XPO4: variants seen among roughly 807,000 people sequenced by gnomAD.
XPO4 encodes the protein exportin-4.
XPO4 carries 39 observed loss-of-function variants against 143.0 expected under a neutral mutation model. The observed-to-expected ratio is 0.27, with a 90% CI of 0.21 to 0.36. XPO4 has a LOEUF of 0.36. XPO4 is among the 10% of genes least tolerant of loss of function. The pLI, the probability that XPO4 is intolerant of heterozygous loss-of-function variation, is 1.00. For synonymous variants in XPO4, 439 were observed against 474.0 expected, an observed-to-expected ratio of 0.93 and a Z score of 0.96; for missense variants, 907 against 1,348.0, an observed-to-expected ratio of 0.67 and a Z score of 5.12.
chr13:20,829,057 T>C (rs1772321325), intron 6 of XPO4, among the ~76,000 whole-genome samples: 1 of 152,228 alleles, frequency 6.6e-6, no homozygotes, highest in South Asian at 2.1e-4. Flanking sequence ...GGCTATAGTA[T>C]ATGAAATAAA....
At chr13:20,858,909 T>C (rs941725256) in intron 3 of XPO4, among the ~76,000 whole-genome samples, 1 of 21,424 alleles carries the variant, frequency 4.7e-5, no homozygotes, top group African/African-American at 1.5e-4. Flanking sequence ...AATATATATA[T>C]ATATGTGTGT....
Position 20,902,697 on chromosome 13 carries a change from C to G in XPO4, c.42G>C (p.Gln14His). Reference protein sequence around the residue: ...AALGPPEVIAQLENAAKVLMA... With the variant: ...AALGPPEVIAHLENAAKVLMA... ...TCAGAACTTTAGCCGCGTTCTCCAG[C>G]TGAGCGATCACTTCTGGGGGCCCCA... The change falls in exon 1 of 23, where the codon CAG (glutamine) becomes CAC (histidine). Residue 14 changes from glutamine to histidine, a missense_variant. By Grantham distance (24) the Gln-to-His change is conservative (BLOSUM62 0). Transcript: ENST00000255305. 1 of 1,585,500 alleles carries G rather than the reference C, an allele frequency of 6.3e-7. No individual in the cohort carries two copies.
At chr13:20,833,613 G>A (rs1317034596) in intron 6 of XPO4, among the ~76,000 whole-genome samples, 1 of 151,882 alleles carries the variant, frequency 6.6e-6, no homozygotes, top group East Asian at 1.9e-4. Context: ...CCAAGGATGT[G>A]GAACCCACAA....
At chr13:20,868,349 TG>T in intron 2 of XPO4, 1 of 377,990 alleles carries the variant, frequency 2.6e-6, no homozygotes, top group Non-Finnish European at 4.3e-6. Flanking sequence ...CTTCATGTTA[TG>T]GTCAATAATA....
rs1370810623 is a variant in XPO4 at position 20,861,777 on chromosome 13, C to CTCT, written c.317+939_317+940insAGA. On this transcript the variant is annotated intron_variant, in intron 3 of 22. Coordinates refer to ENST00000255305, the MANE Select transcript of XPO4 (RefSeq NM_022459.5). Reference sequence around the variant, plus strand: ...TTAATAGAACCTTGCACATTTCTCTCTTTTTTTTTTTTTTTTTTTTTTTTT... The same window carrying CTCT: ...TTAATAGAACCTTGCACATTTCTCTCTCTTTTTTTTTTTTTTTTTTTTTTTTTT... Among the ~76,000 whole-genome samples, 44 of 73,444 alleles carry CTCT rather than the reference C, an allele frequency of 6.0e-4. 2 individuals are homozygous for CTCT. The highest frequency in any genetic ancestry group is 2.0e-3 in the African/African-American group (41 of 20,808). The allele number at this position is 73,444 out of a possible 152,430, so 48.2% of individuals were successfully genotyped here.
intron 2 of XPO4, among the ~76,000 whole-genome samples, chr13:20,867,741 A>G (rs1260873700): frequency 1.3e-5 from 2 of 152,112 alleles, no homozygotes; most frequent in African/African-American, 4.8e-5. Context: ...AGCCTTACTA[A>G]AAGCACAAGA....
intron 3 of XPO4, chr13:20,859,646 A>G (rs2060178185): frequency 6.6e-6 from 1 of 150,452 alleles, no homozygotes; most frequent in Non-Finnish European, 1.4e-5. Context: ...GTGTGGTGGC[A>G]CGCACCTCTA....
intron 4 of XPO4, among the ~76,000 whole-genome samples, chr13:20,844,150 G>A (rs1249887015): frequency 2.0e-5 from 3 of 152,154 alleles, no homozygotes; most frequent in South Asian, 2.1e-4. Context: ...AGGACACACT[G>A]TTCCTACTCA....
At chr13:20,792,162 G>A (rs906679827) in intron 18 of XPO4, among the ~76,000 whole-genome samples, 1 of 152,162 alleles carries the variant, frequency 6.6e-6, no homozygotes, top group Admixed American at 6.6e-5. Flanking sequence ...CGGATACCAC[G>A]TTAAAGAATG....
intron 6 of XPO4, among the ~76,000 whole-genome samples, chr13:20,842,624 A>C (rs1052148168): frequency 6.6e-6 from 1 of 152,204 alleles, no homozygotes; most frequent in African/African-American, 2.4e-5. Context: ...GAATAATGCT[A>C]ATCCTGAATT....
intron 14 of XPO4, 84 bp from the exon 15 acceptor site, chr13:20,800,409 TA>T: frequency 7.5e-7 from 1 of 1,330,076 alleles, no homozygotes; most frequent in Non-Finnish European, 1.0e-6. Flanking sequence ...GAACTGAAAT[TA>T]GTATCTAATC....
intron 8 of XPO4, 51 bp downstream of exon 8, chr13:20,822,081 A>C: frequency 1.3e-6 from 2 of 1,545,980 alleles, no homozygotes; most frequent in Non-Finnish European, 1.7e-6. Flanking sequence ...TCTACTGTTA[A>C]ACACAAAACG....
chr13:20,815,588 C>T (rs1167185613), intron 9 of XPO4, among the ~76,000 whole-genome samples: 1 of 152,164 alleles, frequency 6.6e-6, no homozygotes, highest in African/African-American at 2.4e-5. Context: ...AGCAACTAAT[C>T]ATCATGACAA....
At chr13:20,812,337 T>C (rs1007903744) in intron 9 of XPO4, among the ~76,000 whole-genome samples, 1 of 152,022 alleles carries the variant, frequency 6.6e-6, no homozygotes, top group Non-Finnish European at 1.5e-5. Flanking sequence ...AAAACTACAG[T>C]ATGGCAGATC....
chr13:20,830,158 A>G (rs983850809), intron 6 of XPO4, among the ~76,000 whole-genome samples: 1 of 152,102 alleles, frequency 6.6e-6, no homozygotes, highest in African/African-American at 2.4e-5. Flanking sequence ...CTGATGCCCA[A>G]TTCCATGGCC....
rs2060138067 is a variant in XPO4 at position 20,855,839 on chromosome 13, G to T, written c.318-74C>A. Reference sequence around the variant, plus strand: ...AGAATACTCCCAAACTTCTCTCTATGCCTGAAGCTACTAATAACATTGCTT... The same window carrying T: ...AGAATACTCCCAAACTTCTCTCTATTCCTGAAGCTACTAATAACATTGCTT... On this transcript the variant is annotated intron_variant, in intron 3 of 22. Coordinates refer to ENST00000255305, the MANE Select transcript of XPO4 (RefSeq NM_022459.5). 6 of 1,409,714 alleles carry T rather than the reference G, an allele frequency of 4.3e-6. No individual in the cohort carries two copies. The East Asian group carries it at 1.4e-4, about 33-fold the overall frequency. The allele number at this position is 1,409,714 out of a possible 1,614,324, so 87.3% of individuals were successfully genotyped here. A position where few individuals can be genotyped will look rare whatever the true frequency, so the allele number is the denominator to read the frequency against.
chr13:20,853,601 A>G (rs1214656680), intron 4 of XPO4, among the ~76,000 whole-genome samples: 1 of 152,200 alleles, frequency 6.6e-6, no homozygotes, highest in Non-Finnish European at 1.5e-5. Flanking sequence ...TATAGAATGT[A>G]AAGATTCAAA....
At chr13:20,837,186 C>T (rs920268362) in intron 6 of XPO4, among the ~76,000 whole-genome samples, 4 of 152,034 alleles carry the variant, frequency 2.6e-5, no homozygotes, top group African/African-American at 7.3e-5. Context: ...ATACTTTGGG[C>T]CCAATAATTG....
At chr13:20,884,462 T>C (rs1193355034) in intron 1 of XPO4, among the ~76,000 whole-genome samples, 1 of 152,164 alleles carries the variant, frequency 6.6e-6, no homozygotes, top group Non-Finnish European at 1.5e-5. Context: ...CAGGGTATAC[T>C]GCAGTAGTAC....
Sources: allele counts gnomAD v4.1 joint callset (sites outside exome capture counted in the v4.1 genomes callset), GRCh38; gene constraint gnomAD v4.1.1; transcripts MANE v1.5; gene names NCBI Gene and HGNC (gene_info 2026-07-23, HGNC 2026-07-21).